NEBL: variants seen among roughly 807,000 people sequenced by gnomAD.
NEBL encodes the protein LIM and SH3 protein 2.
Under a neutral mutation model 140.2 loss-of-function variants are expected in NEBL, and 122 were observed. That is an observed-to-expected ratio of 0.87 (90% CI 0.75 to 1.01). The LOEUF (loss-of-function observed/expected upper bound fraction) is 1.01. Ranked by LOEUF, NEBL falls within the 50% of genes least tolerant of loss-of-function variation. NEBL has a pLI of 0.00. For missense variants in NEBL, 1,365 were observed against 1,231.3 expected, an observed-to-expected ratio of 1.11 and a Z score of -1.62; for synonymous variants, 436 against 398.9, an observed-to-expected ratio of 1.09 and a Z score of -1.11.
intron 1 of NEBL, among the ~76,000 whole-genome samples, chr10:21,268,968 A>C (rs1344415363): frequency 6.6e-6 from 1 of 152,210 alleles, no homozygotes; most frequent in Non-Finnish European, 1.5e-5. Context: ...TAAGTACCTA[A>C]GGGATCTTAG....
At chr10:21,193,114 A>G (rs1042697781) in intron 3 of NEBL, among the ~76,000 whole-genome samples, 69 of 152,134 alleles carry the variant, frequency 4.5e-4, no homozygotes, top group African/African-American at 1.5e-3. Context: ...CAAGCTCCCA[A>G]TGCTCCCAGG....
At chr10:21,117,210 G>T (rs1298529218) in intron 2 of NEBL, among the ~76,000 whole-genome samples, 1 of 151,458 alleles carries the variant, frequency 6.6e-6, no homozygotes, top group Non-Finnish European at 1.5e-5. Flanking sequence ...GGTTCCCTGA[G>T]AACCAGGGCC....
chr10:21,065,370 T>C (rs1048494215), intron 2 of NEBL, among the ~76,000 whole-genome samples: 1 of 152,126 alleles, frequency 6.6e-6, no homozygotes, highest in African/African-American at 2.4e-5. Flanking sequence ...TTTGAGATGA[T>C]AAAAAGGAAA....
chr10:20,845,919 C>T (rs76508636), intron 11 of NEBL, among the ~76,000 whole-genome samples: 1 of 152,110 alleles, frequency 6.6e-6, no homozygotes, highest in Admixed American at 6.6e-5. Context: ...TATTTCTCTA[C>T]CATCTATGGT....
chr10:20,968,510 CT>C (rs1836430403), intron 3 of NEBL, among the ~76,000 whole-genome samples: 1 of 152,008 alleles, frequency 6.6e-6, no homozygotes, highest in Non-Finnish European at 1.5e-5. Context: ...GACCCCATCT[CT>C]AAAATAATTA....
At chr10:20,954,025 GAAAAAAAAA>G (rs200642113) in intron 4 of NEBL, among the ~76,000 whole-genome samples, 4 of 125,722 alleles carry the variant, frequency 3.2e-5, no homozygotes, top group Admixed American at 1.5e-4. Flanking sequence ...TCTTCTTAAG[GAAAAAAAAA>G]AAAAAAAAAG....
intron 2 of NEBL, among the ~76,000 whole-genome samples, chr10:21,156,103 T>C (rs1554829628): frequency 1.3e-5 from 2 of 152,154 alleles, no homozygotes; most frequent in Non-Finnish European, 2.9e-5. Context: ...AGTGGTAAAA[T>C]AGAAAGAATC....
intron 4 of NEBL, among the ~76,000 whole-genome samples, chr10:20,946,735 T>C (rs1291412599): frequency 6.6e-6 from 1 of 152,204 alleles, no homozygotes; most frequent in African/African-American, 2.4e-5. Context: ...ACATATTTTC[T>C]ATCAACTGTT....
chr10:21,083,683 A>G (rs1048820480), intron 2 of NEBL, among the ~76,000 whole-genome samples: 1 of 152,174 alleles, frequency 6.6e-6, no homozygotes, highest in South Asian at 2.1e-4. Flanking sequence ...CGTCTCTACT[A>G]AAAATACAAA....
At chr10:21,227,731 T>TC (rs1842184678) in intron 3 of NEBL, among the ~76,000 whole-genome samples, 1 of 137,364 alleles carries the variant, frequency 7.3e-6, no homozygotes, top group African/African-American at 3.0e-5. Flanking sequence ...TTCTTCTTCT[T>TC]CTTCTTCTTC....
intron 26 of NEBL, among the ~76,000 whole-genome samples, chr10:20,801,320 CT>C (rs1297148227): frequency 6.6e-6 from 1 of 151,956 alleles, no homozygotes; most frequent in Non-Finnish European, 1.5e-5. Context: ...TCAAGCGATT[CT>C]CATGCCTCAG....
chr10:20,824,548 T>C (rs1434416624), intron 18 of NEBL, among the ~76,000 whole-genome samples: 1 of 152,222 alleles, frequency 6.6e-6, no homozygotes, highest in Admixed American at 6.5e-5. Flanking sequence ...TGTCGAGATC[T>C]TTAAATGTTA....
At chr10:20,852,044 G>C (rs1325456638) in intron 10 of NEBL, among the ~76,000 whole-genome samples, 1 of 152,028 alleles carries the variant, frequency 6.6e-6, no homozygotes, top group Non-Finnish European at 1.5e-5. Context: ...AAGTATGCTA[G>C]AGAGAAGATA....
At chr10:21,225,372 A>G (rs942800123) in intron 3 of NEBL, among the ~76,000 whole-genome samples, 2 of 152,140 alleles carry the variant, frequency 1.3e-5, no homozygotes, top group African/African-American at 4.8e-5. Flanking sequence ...CAAGGTCCAC[A>G]GTAACCACTG....
chr10:21,045,005 A>G (rs1336986108), intron 2 of NEBL, among the ~76,000 whole-genome samples: 1 of 152,238 alleles, frequency 6.6e-6, no homozygotes, highest in Non-Finnish European at 1.5e-5. Flanking sequence ...GGCTTGAAAT[A>G]CAGGCATTCT....
At chr10:21,253,133 G>T (rs143804463) in intron 1 of NEBL, among the ~76,000 whole-genome samples, 50 of 152,088 alleles carry the variant, frequency 3.3e-4, no homozygotes, top group Admixed American at 5.9e-4. Context: ...ATGATGGCAG[G>T]CACCTGTAAT....
At position 21,046,210 on chromosome 10, in the gene NEBL, G is replaced by A. The variant is rs528800854; in HGVS notation, c.165-26009C>T. ...TCATAGAAACAAAGCAGAAAATGGT[G>A]ATTACCAGAGGCTGGGAGATGAGAG... is the stretch of plus-strand genomic sequence containing the variant. On this transcript the variant is annotated intron_variant, in intron 2 of 6. Transcript: ENST00000417816. Among the ~76,000 whole-genome samples the A allele has an allele frequency of 3.3e-5, 5 of 152,314 alleles. 1 individual carries two copies. The South Asian group carries it at 1.0e-3, about 32-fold the overall frequency.
At chr10:20,838,852 T>C (rs1841139188) in intron 13 of NEBL, among the ~76,000 whole-genome samples, 1 of 152,176 alleles carries the variant, frequency 6.6e-6, no homozygotes, top group Non-Finnish European at 1.5e-5. Context: ...CTATTATAAA[T>C]AAAGTACTTT....
intron 2 of NEBL, among the ~76,000 whole-genome samples, chr10:20,892,599 G>C (rs987185591): frequency 6.8e-4 from 104 of 152,048 alleles, no homozygotes; most frequent in African/African-American, 2.5e-3. Context: ...AGACAAAAAG[G>C]GCAAAATTGA....
Sources: gnomAD v4.1 joint callset for allele counts (sites outside exome capture counted in the v4.1 genomes callset) on GRCh38, gnomAD v4.1.1 for gene constraint, MANE v1.5 for transcripts, NCBI Gene and HGNC (gene_info 2026-07-23, HGNC 2026-07-21) for gene names.